Variants in ULK4 observed in about 807,000 individuals in gnomAD.
The protein encoded by ULK4 is inactive serine/threonine-protein kinase ULK4.
A neutral mutation model predicts 160.6 loss-of-function variants in ULK4; 133 were observed. That is an observed-to-expected ratio of 0.83 (90% CI 0.72 to 0.96). The LOEUF is 0.96. ULK4 is among the 40% of genes least tolerant of loss of function. The pLI is 0.00. For missense variants in ULK4, 1,580 were observed against 1,499.5 expected, an observed-to-expected ratio of 1.05 and a Z score of -0.89; for synonymous variants, 534 against 539.8, an observed-to-expected ratio of 0.99 and a Z score of 0.15.
chr3:41,749,547 C>A (rs1416629419), intron 22 of ULK4, among the ~76,000 whole-genome samples: 1 of 152,128 alleles, frequency 6.6e-6, no homozygotes, highest in African/African-American at 2.4e-5. Context: ...TGTAAGTGTT[C>A]TGAGCACATT....
chr3:41,687,629 A>G (rs1319238883), intron 27 of ULK4, among the ~76,000 whole-genome samples: 1 of 152,214 alleles, frequency 6.6e-6, no homozygotes, highest in African/African-American at 2.4e-5. Flanking sequence ...GCCTTCCCAT[A>G]TAAGGATATA....
At position 41,664,899 on chromosome 3, in the gene ULK4, A is replaced by G. The variant is rs569549287; in HGVS notation, c.2979-1200T>C. Among the ~76,000 whole-genome samples, 12 of 152,322 alleles carry G rather than the reference A, an allele frequency of 7.9e-5. No individual in the cohort carries two copies. The East Asian group carries it at 2.3e-3, about 29-fold the overall frequency. ...ACAATTTCCACAACAAAATTTTCCC[A>G]AGATTGTTTTCCCATGTGATTTGCT... On this transcript the variant is annotated intron_variant, in intron 29 of 36. Transcript: ENST00000301831.
At chr3:41,551,305 G>C (rs1256742977) in intron 32 of ULK4, among the ~76,000 whole-genome samples, 1 of 151,332 alleles carries the variant, frequency 6.6e-6, no homozygotes, top group African/African-American at 2.4e-5. Flanking sequence ...GAAAAAGAGA[G>C]AGGCAAAAAA....
In ULK4 at chr3:41,375,373, C is replaced by T. The variant is rs149557857; in HGVS notation, c.3678+22706G>A. Among the ~76,000 whole-genome samples the T allele has an allele frequency of 1.6e-3, 246 of 150,926 alleles. 5 individuals are homozygous for T. In the East Asian group the frequency reaches 0.021, roughly 13 times the overall value. ...AAGCTGGAGGCATCACACTACCTGA[C>T]TTCAAACTACACAAGGCTACAGAAC... On this transcript the variant is annotated intron_variant, in intron 35 of 36. Coordinates refer to ENST00000301831, the MANE Select transcript of ULK4 (RefSeq NM_017886.4).
At chr3:41,450,852 T>A (rs1166185467) in intron 34 of ULK4, among the ~76,000 whole-genome samples, 1 of 152,226 alleles carries the variant, frequency 6.6e-6, no homozygotes, top group Admixed American at 6.5e-5. Context: ...AGGCCATTTT[T>A]ATACGTAATG....
At chr3:41,678,183 C>A (rs1272820670) in intron 29 of ULK4, among the ~76,000 whole-genome samples, 3 of 136,988 alleles carry the variant, frequency 2.2e-5, no homozygotes, top group Non-Finnish European at 4.6e-5. Context: ...TTCATACACA[C>A]ACACACACAC....
At chr3:41,449,427 C>A (rs1460326799) in intron 34 of ULK4, among the ~76,000 whole-genome samples, 1 of 152,038 alleles carries the variant, frequency 6.6e-6, no homozygotes, top group South Asian at 2.1e-4. Context: ...GGCAGATGGG[C>A]GGTGGCTACT....
At chr3:41,841,733 T>C (rs1031902562) in intron 17 of ULK4, among the ~76,000 whole-genome samples, 3 of 151,856 alleles carry the variant, frequency 2.0e-5, no homozygotes, top group African/African-American at 7.3e-5. Context: ...AGAGATCAGA[T>C]TGTTACTGTG....
intron 21 of ULK4, among the ~76,000 whole-genome samples, chr3:41,782,940 T>C (rs17081304): frequency 0.099 from 15,098 of 151,836 alleles, 1,623 homozygotes; most frequent in African/African-American, 0.27. Flanking sequence ...GTTGCATAAA[T>C]TGACTTAAAC....
intron 32 of ULK4, among the ~76,000 whole-genome samples, chr3:41,550,032 A>T (rs2125963969): frequency 1.3e-5 from 2 of 152,260 alleles, no homozygotes; most frequent in African/African-American, 4.8e-5. Flanking sequence ...GCTCATCACC[A>T]CTAGGCCAGT....
chr3:41,475,129 T>C (rs1297181822), intron 32 of ULK4, among the ~76,000 whole-genome samples: 1 of 152,190 alleles, frequency 6.6e-6, no homozygotes, highest in East Asian at 1.9e-4. Context: ...GAAAATGTGG[T>C]ACATACACGC....
At chr3:41,859,233 A>G (rs1396862157) in intron 17 of ULK4, 3 of 539,764 alleles carry the variant, frequency 5.6e-6, no homozygotes, top group East Asian at 4.9e-5. Context: ...TAAGGCAACT[A>G]ATGACCAAAA....
chr3:41,300,836 ATTATATATATATATAT>A (rs544261709), intron 35 of ULK4, among the ~76,000 whole-genome samples: 4,491 of 79,460 alleles, frequency 0.057, 247 homozygotes, highest in Non-Finnish European at 0.074. Flanking sequence ...CATTTTACAG[ATTATATATATATATAT>A]ATATATATAT....
chr3:41,858,845 T>G (rs887187277), intron 17 of ULK4, among the ~76,000 whole-genome samples: 2 of 152,044 alleles, frequency 1.3e-5, no homozygotes, highest in African/African-American at 4.8e-5. Flanking sequence ...GAAAAATAAT[T>G]TATTCCAAAA....
chr3:41,370,424 G>A (rs2081339935), intron 35 of ULK4, among the ~76,000 whole-genome samples: 1 of 152,122 alleles, frequency 6.6e-6, no homozygotes, highest in Non-Finnish European at 1.5e-5. Flanking sequence ...GAAGGTGGGT[G>A]ATTTCTACAT....
rs551220405 is a variant in ULK4 at position 41,620,420 on chromosome 3, G to A, written c.3072-4703C>T. On this transcript the variant is annotated intron_variant, in intron 30 of 36. Transcript: ENST00000301831. ...GCACATCAAAAAGCTTATCCACCAC[G>A]ATCAAGTTGGCTTCATCCCTGGGAT... Among the ~76,000 whole-genome samples the A allele has an allele frequency of 2.8e-3, 430 of 152,238 alleles. 1 individual carries two copies. Among genetic ancestry groups the A allele is most frequent in the Non-Finnish European group, 4.2e-3 (289 of 68,018 alleles).
At chr3:41,530,543 C>G (rs565699873) in intron 32 of ULK4, among the ~76,000 whole-genome samples, 1,878 of 152,274 alleles carry the variant, frequency 0.012, 69 homozygotes, top group Admixed American at 0.077. Context: ...GAGCTACCCC[C>G]GCCTAAACTG....
intron 27 of ULK4, chr3:41,687,920 C>T (rs541662198): frequency 6.6e-6 from 1 of 152,352 alleles, no homozygotes; most frequent in African/African-American, 2.4e-5. Flanking sequence ...ACATCTCTCC[C>T]ACAAGGGCTG....
At chr3:41,557,131 T>A (rs2087327975) in intron 32 of ULK4, among the ~76,000 whole-genome samples, 1 of 152,140 alleles carries the variant, frequency 6.6e-6, no homozygotes, top group Non-Finnish European at 1.5e-5. Flanking sequence ...AATCATTTGA[T>A]CATTTCCATA....
Sources: gnomAD v4.1 joint callset for allele counts (sites outside exome capture counted in the v4.1 genomes callset) on GRCh38, gnomAD v4.1.1 for gene constraint, MANE v1.5 for transcripts, NCBI Gene and HGNC (gene_info 2026-07-23, HGNC 2026-07-21) for gene names.